PDZRN4: variants seen among roughly 807,000 people sequenced by gnomAD.
The protein encoded by PDZRN4 is PDZ domain containing ring finger 4.
PDZRN4 carries 70 observed loss-of-function variants against 99.0 expected under a neutral mutation model. The ratio of observed to expected loss-of-function variants is 0.71; its 90% CI spans 0.58 to 0.86. The LOEUF (loss-of-function observed/expected upper bound fraction) is 0.86, where lower values mean the gene tolerates loss of function less well. Among genes scored for constraint, PDZRN4 ranks in the 40% least tolerant of loss-of-function variants. The pLI, the probability that PDZRN4 is intolerant of heterozygous loss-of-function variation, is 0.00. For missense variants in PDZRN4, 1,474 were observed against 1,331.2 expected (o/e 1.11, Z -1.67); for synonymous variants, 551 against 501.6 (o/e 1.10, Z -1.32).
intron 3 of PDZRN4, among the ~76,000 whole-genome samples, chr12:41,358,413 T>C (rs1259237012): frequency 6.6e-6 from 1 of 152,036 alleles, no homozygotes; most frequent in African/African-American, 2.4e-5. Flanking sequence ...ATCATTATTA[T>C]TCTGCCTTTT....
chr12:41,215,041 C>G (rs1950912094), intron 3 of PDZRN4, among the ~76,000 whole-genome samples: 2 of 152,012 alleles, frequency 1.3e-5, no homozygotes, highest in South Asian at 4.1e-4. Flanking sequence ...ATATGTTTTT[C>G]TAGGATGGAA....
chr12:41,430,901 C>T (rs559061573), intron 3 of PDZRN4, among the ~76,000 whole-genome samples: 2 of 152,276 alleles, frequency 1.3e-5, no homozygotes, highest in African/African-American at 4.8e-5. Flanking sequence ...AACTTTCAAT[C>T]ATGACTGAAA....
Position 41,371,432 on chromosome 12 carries a change from G to T in PDZRN4, c.844-135024G>T, listed in dbSNP as rs11180860. On this transcript the variant is annotated intron_variant, in intron 3 of 9. Transcript: ENST00000402685. ...CTGAGTCAGTGATTGAATTTTTTCTGGTCTTTTTTCAGAAAGAAGACAGCC... is the reference window on the plus strand; with the variant it reads ...CTGAGTCAGTGATTGAATTTTTTCTTGTCTTTTTTCAGAAAGAAGACAGCC... Among the ~76,000 whole-genome samples the T allele has an allele frequency of 3.8e-3, 572 of 151,800 alleles. 17 individuals carry two copies. The East Asian group carries it at 0.089, about 24-fold the overall frequency.
At chr12:41,561,255 T>G (rs1476135330) in intron 7 of PDZRN4, among the ~76,000 whole-genome samples, 1 of 152,166 alleles carries the variant, frequency 6.6e-6, no homozygotes, top group Non-Finnish European at 1.5e-5. Context: ...AAATTTCACT[T>G]TATTTGCTTT....
At chr12:41,399,191 TA>T (rs1270104348) in intron 3 of PDZRN4, among the ~76,000 whole-genome samples, 1 of 152,078 alleles carries the variant, frequency 6.6e-6, no homozygotes, top group East Asian at 1.9e-4. Context: ...ATTATACAAA[TA>T]ATACATATTG....
intron 1 of PDZRN4, among the ~76,000 whole-genome samples, chr12:41,190,663 A>G (rs1950730560): frequency 6.6e-6 from 1 of 152,240 alleles, no homozygotes; most frequent in Non-Finnish European, 1.5e-5. Context: ...TGCTGATAGC[A>G]GTGATGATGA....
At chr12:41,232,083 T>A (rs1174031340) in intron 3 of PDZRN4, among the ~76,000 whole-genome samples, 4 of 121,334 alleles carry the variant, frequency 3.3e-5, no homozygotes, top group Non-Finnish European at 5.7e-5. Flanking sequence ...AGAGGCCAGT[T>A]TTAGAAAATT....
At chr12:41,251,905 A>AG (rs1360702523) in intron 3 of PDZRN4, among the ~76,000 whole-genome samples, 2 of 152,182 alleles carry the variant, frequency 1.3e-5, no homozygotes, top group Non-Finnish European at 2.9e-5. Context: ...AGCTAGAGCC[A>AG]GGGGGTTCAA....
chr12:41,489,040 C>T (rs1202866729), intron 3 of PDZRN4, among the ~76,000 whole-genome samples: 2 of 152,140 alleles, frequency 1.3e-5, no homozygotes, highest in African/African-American at 2.4e-5. Flanking sequence ...AATGCATAAA[C>T]TTTCTTAAAA....
intron 3 of PDZRN4, among the ~76,000 whole-genome samples, chr12:41,210,664 A>G (rs1046834565): frequency 1.3e-5 from 2 of 152,010 alleles, no homozygotes; most frequent in Non-Finnish European, 2.9e-5. Flanking sequence ...ATTAAAACCC[A>G]CTATTTCTTT....
chr12:41,209,816 T>C (rs1198232198), intron 3 of PDZRN4, among the ~76,000 whole-genome samples: 1 of 149,632 alleles, frequency 6.7e-6, no homozygotes, highest in East Asian at 2.0e-4. Context: ...TACGTGTGCA[T>C]GTGTCTTTAT....
At chr12:41,241,503 A>G (rs191643800) in intron 3 of PDZRN4, among the ~76,000 whole-genome samples, 1 of 147,952 alleles carries the variant, frequency 6.8e-6, no homozygotes, top group Admixed American at 6.6e-5. Flanking sequence ...TTGTTCTACC[A>G]CATACTGGCC....
At position 41,487,737 on chromosome 12, in the gene PDZRN4, T is replaced by A. The variant is rs79798461; in HGVS notation, c.844-18719T>A. ...AAAATTGTAGTGGAAGCAACTGGTA[T>A]AGACAAAGCACAGATTCTGTCACAC... On this transcript the variant is annotated intron_variant, in intron 3 of 9. Coordinates refer to ENST00000402685, the MANE Select transcript of PDZRN4 (RefSeq NM_001164595.2). 7.5e-3 allele frequency among the ~76,000 whole-genome samples: 1,137 copies of A among 152,324 alleles called. 18 individuals carry two copies. The highest frequency in any genetic ancestry group is 0.025 in the African/African-American group (1,039 of 41,590).
At chr12:41,443,441 G>A (rs989209676) in intron 3 of PDZRN4, among the ~76,000 whole-genome samples, 19 of 152,136 alleles carry the variant, frequency 1.2e-4, no homozygotes, top group African/African-American at 4.6e-4. Context: ...CAGACTCCCT[G>A]GGTATGGCCT....
intron 5 of PDZRN4, among the ~76,000 whole-genome samples, chr12:41,549,605 C>G (rs1044299140): frequency 3.4e-4 from 52 of 152,258 alleles, no homozygotes; most frequent in African/African-American, 1.2e-3. Context: ...CTTATGGTGC[C>G]TGAAGGCTTT....
chr12:41,347,595 T>C lies in PDZRN4; in HGVS notation c.843+153407T>C, dbSNP rs191729379. Among the ~76,000 whole-genome samples, 56 of 152,270 alleles carry C rather than the reference T, an allele frequency of 3.7e-4. 1 individual carries two copies. The highest frequency in any genetic ancestry group is 2.5e-3 in the Admixed American group (38 of 15,290). ...CAAATACTTTTTCTTATTCTATGGG[T>C]TGCATTTTCAGTTTCTGATGATATT... is the stretch of plus-strand genomic sequence containing the variant. On this transcript the variant is annotated intron_variant, in intron 3 of 9. Transcript: ENST00000402685.
chr12:41,496,704 G>A (rs138807893), intron 3 of PDZRN4, among the ~76,000 whole-genome samples: 4 of 152,244 alleles, frequency 2.6e-5, no homozygotes, highest in African/African-American at 9.6e-5. Context: ...AATGCAGTCT[G>A]CATTGTGAAC....
At chr12:41,335,885 T>G (rs2121003912) in intron 3 of PDZRN4, among the ~76,000 whole-genome samples, 1 of 152,270 alleles carries the variant, frequency 6.6e-6, no homozygotes, top group Admixed American at 6.5e-5. Flanking sequence ...GTAATATAAT[T>G]TATCCAAATA....
chr12:41,357,826 G>A (rs550478905), intron 3 of PDZRN4, among the ~76,000 whole-genome samples: 218 of 152,074 alleles, frequency 1.4e-3, no homozygotes, highest in African/African-American at 5.1e-3. Flanking sequence ...TTAGATACAA[G>A]ATCAGTCTCT....
Sources: allele counts gnomAD v4.1 joint callset (sites outside exome capture counted in the v4.1 genomes callset), GRCh38; gene constraint gnomAD v4.1.1; transcripts MANE v1.5; gene names NCBI Gene and HGNC (gene_info 2026-07-23, HGNC 2026-07-21).